STX1B: variants seen among roughly 807,000 people sequenced by gnomAD.
STX1B encodes the protein syntaxin-1B.
Under a neutral mutation model 39.4 loss-of-function variants are expected in STX1B, and 7 were observed. The observed-to-expected ratio is 0.18, with a 90% CI of 0.10 to 0.33. The LOEUF (loss-of-function observed/expected upper bound fraction) is 0.33, where lower values mean the gene tolerates loss of function less well. Among genes scored for constraint, STX1B ranks in the 10% least tolerant of loss-of-function variants. The pLI is 1.00. For missense variants in STX1B, 198 were observed against 383.2 expected (o/e 0.52, Z 4.04); for synonymous variants, 136 against 144.1 (o/e 0.94, Z 0.40).
chr16:30,997,786 G>A (rs566214801), intron 4 of STX1B, among the ~76,000 whole-genome samples: 29 of 152,348 alleles, frequency 1.9e-4, no homozygotes, highest in African/African-American at 6.7e-4. Context: ...TCCGAAGGCA[G>A]GCAGGAAGGG....
rs767717161 is a variant in STX1B at position 30,992,642 on chromosome 16, G to GGC, written c.*178_*179insGC. ...CCTGCTGCGATCTACGTGCGGGGAC[G>GGC]GGGGGGGGGTCCATGGCCCGGTGAG... On this transcript the variant is annotated 3_prime_UTR_variant, in exon 10 of 10. Coordinates refer to ENST00000215095, the MANE Select transcript of STX1B (RefSeq NM_052874.5). 1.4e-3 allele frequency: 19 copies of GGC among 13,696 alleles called. No individual in the cohort carries two copies. Among genetic ancestry groups the GGC allele is most frequent in the East Asian group, 0.062 (1 of 16 alleles). The allele number at this position is 13,696 out of a possible 1,614,324, so 0.8% of individuals were successfully genotyped here. A position where few individuals can be genotyped will look rare whatever the true frequency, so the allele number is the denominator to read the frequency against.
chr16:31,001,113 G>C lies in STX1B; in HGVS notation c.186C>G (p.Ala62=), dbSNP rs749799050. 1.9e-6 allele frequency: 3 copies of C among 1,614,058 alleles called. No homozygotes were observed. Among genetic ancestry groups the C allele is most frequent in the Non-Finnish European group, 2.5e-6 (3 of 1,180,020 alleles). ...QVKKQHSAIL[A]APNPDEKTKQ... ...ACTCACTCTCATCTGGGTTGGGTGC[G>C]GCCAGGATGGCGCTATGCTGTTTTT... Residue 62 remains alanine (A), a synonymous_variant, in exon 3 of 10, where the codon GCC becomes GCG. Coordinates refer to ENST00000215095, the MANE Select transcript of STX1B (RefSeq NM_052874.5). This position sits in a 1 kb window ranked among gnomAD's most constrained non-coding sequence, Gnocchi z 5.5.
chr16:30,993,000 GGGAGAGAAAA>G, intron 9 of STX1B, 99 bp from the exon 10 acceptor site: 1 of 1,329,504 alleles, frequency 7.5e-7, no homozygotes, highest in Non-Finnish European at 1.1e-6. Context: ...GGGAGAAGAG[GGGAGAGAAAA>G]CAGAAACAGG....
At chr16:31,010,146 C>A (rs950546719) in intron 1 of STX1B, among the ~76,000 whole-genome samples, 5 of 152,104 alleles carry the variant, frequency 3.3e-5, no homozygotes, top group African/African-American at 1.2e-4. Context: ...ACCTCTCCTG[C>A]CCCCTTGTGT....
intron 1 of STX1B, among the ~76,000 whole-genome samples, chr16:31,003,397 C>G (rs1286949919): frequency 6.6e-6 from 1 of 152,192 alleles, no homozygotes. Context: ...GAGGACCCAT[C>G]GGCCTACCAT....
Position 31,003,886 on chromosome 16 carries a change from C to T in STX1B, c.31-2283G>A, listed in dbSNP as rs549845568. Among the ~76,000 whole-genome samples the T allele has an allele frequency of 3.9e-5, 6 of 152,336 alleles. No homozygotes were observed. The East Asian group carries it at 9.6e-4, about 24-fold the overall frequency. On this transcript the variant is annotated intron_variant, in intron 1 of 9. Transcript: ENST00000215095. Reference sequence around the variant, plus strand: ...GAGAGAAAAGCTGCATAAACATCATCGTCCCCATTTCACAGATGAGGGAAC... The same window carrying T: ...GAGAGAAAAGCTGCATAAACATCATTGTCCCCATTTCACAGATGAGGGAAC...
At chr16:31,003,666 C>A (rs1044013574) in intron 1 of STX1B, among the ~76,000 whole-genome samples, 1 of 152,176 alleles carries the variant, frequency 6.6e-6, no homozygotes, top group African/African-American at 2.4e-5. Flanking sequence ...CTTGGAGCCA[C>A]CTCCCTTAGG....
intron 1 of STX1B, among the ~76,000 whole-genome samples, chr16:31,008,901 G>A (rs2056667403): frequency 6.6e-6 from 1 of 152,136 alleles, no homozygotes; most frequent in South Asian, 2.1e-4. Flanking sequence ...GAGATAACCA[G>A]TCTCATAGGA....
intron 1 of STX1B, among the ~76,000 whole-genome samples, chr16:31,005,607 C>T (rs1381494024): frequency 6.6e-6 from 1 of 151,762 alleles, no homozygotes; most frequent in African/African-American, 2.4e-5. Context: ...TGCACCCAGC[C>T]TGCATCTCTT....
At chr16:31,005,381 G>A (rs1264870396) in intron 1 of STX1B, among the ~76,000 whole-genome samples, 1 of 151,922 alleles carries the variant, frequency 6.6e-6, no homozygotes, top group Non-Finnish European at 1.5e-5. Flanking sequence ...GTTGCCTCAT[G>A]TGCAAATCGA....
At chr16:31,005,931 G>A (rs2056653065) in intron 1 of STX1B, among the ~76,000 whole-genome samples, 1 of 152,152 alleles carries the variant, frequency 6.6e-6, no homozygotes, top group African/African-American at 2.4e-5. Flanking sequence ...GCCACCACGG[G>A]CCTTGTGTGT....
At chr16:31,003,107 A>G (rs2056639414) in intron 1 of STX1B, among the ~76,000 whole-genome samples, 1 of 152,220 alleles carries the variant, frequency 6.6e-6, no homozygotes, top group Admixed American at 6.5e-5. Context: ...AAAAGCCAGC[A>G]CAGCCTGGGG....
Position 30,993,461 on chromosome 16 carries a change from C to T in STX1B, c.561G>A (p.Thr187=), listed in dbSNP as rs763651481. Residue 187 remains threonine, a synonymous_variant, in exon 8 of 10, where the codon ACG becomes ACA. Coordinates refer to ENST00000215095, the MANE Select transcript of STX1B (RefSeq NM_052874.5). ...TCTCAATCTCATTCAGCGCCTGCTT[C>T]GTCATCTGTGAGTCCATTTTGATCT... The part of the protein sequence containing the change: ...TDDIKMDSQM[T]KQALNEIETR... 13 of 1,613,932 alleles carry T rather than the reference C, an allele frequency of 8.1e-6. No individual in the cohort carries two copies. Among genetic ancestry groups the T allele is most frequent in the Admixed American group, 5.0e-5 (3 of 60,022 alleles).
At chr16:30,994,064 G>A (rs893411428) in intron 7 of STX1B, among the ~76,000 whole-genome samples, 3 of 151,476 alleles carry the variant, frequency 2.0e-5, no homozygotes, top group Non-Finnish European at 2.9e-5. Flanking sequence ...AGGCTGAAGC[G>A]GGCAGATCAC....
chr16:30,993,452 C>T lies in STX1B; in HGVS notation c.570G>A (p.Ala190=), dbSNP rs752557506. The T allele has an allele frequency of 7.4e-6, 12 of 1,613,826 alleles. No individual in the cohort carries two copies. The Admixed American group carries it at 1.3e-4, about 18-fold the overall frequency. ...TGTGCCTCGTCTCAATCTCATTCAG[C>T]GCCTGCTTCGTCATCTGTGAGTCCA... The part of the protein sequence containing the change: ...IKMDSQMTKQ[A]LNEIETRHNE... Residue 190 remains alanine (A), a synonymous_variant, in exon 8 of 10, where the codon GCG becomes GCA. Coordinates refer to ENST00000215095, the MANE Select transcript of STX1B (RefSeq NM_052874.5).
At chr16:30,994,241 G>A (rs778846053) in intron 7 of STX1B, among the ~76,000 whole-genome samples, 4 of 150,780 alleles carry the variant, frequency 2.7e-5, no homozygotes, top group South Asian at 2.1e-4. Context: ...GCAGTGAGCC[G>A]AGATTGCGCC....
At chr16:30,997,699 G>A in intron 4 of STX1B, 124 bp from the exon 5 acceptor site, 1 of 896,960 alleles carries the variant, frequency 1.1e-6, no homozygotes, top group Non-Finnish European at 1.7e-6. Context: ...CATCCCCAGG[G>A]CGAGTTGCGG....
In STX1B at chr16:30,989,943, A is replaced by C. The variant is rs958413285; in HGVS notation, c.*2878T>G. On this transcript the variant is annotated 3_prime_UTR_variant, in exon 10 of 10. Transcript: ENST00000215095. ...TTGCAGGCGCCTGGGCAGGTAGCAC[A>C]CATTTGTCCAAGAACATGCAAAAGA... is the stretch of plus-strand genomic sequence containing the variant. The C allele has an allele frequency of 6.6e-6, 1 of 152,334 alleles. No homozygotes were observed. The highest frequency in any genetic ancestry group is 2.4e-5 in the African/African-American group (1 of 41,440). The allele number at this position is 152,334 out of a possible 1,614,324, so 9.4% of individuals were successfully genotyped here.
Position 30,991,896 on chromosome 16 carries a change from A to C in STX1B, c.*925T>G, listed in dbSNP as rs905931145. On this transcript the variant is annotated 3_prime_UTR_variant, in exon 10 of 10. Coordinates refer to ENST00000215095, the MANE Select transcript of STX1B (RefSeq NM_052874.5). Reference sequence around the variant, plus strand: ...AAAAACAAAAAACAAAAAACAAAAAAAAATTAAAAAGCACACCATGTAGAG... The same window carrying C: ...AAAAACAAAAAACAAAAAACAAAAACAAATTAAAAAGCACACCATGTAGAG... The C allele has an allele frequency of 3.9e-5, 6 of 152,194 alleles. No individual in the cohort carries two copies. The highest frequency in any genetic ancestry group is 1.4e-4 in the African/African-American group (6 of 41,406). 9.4% of individuals were successfully genotyped at this position (152,194 alleles called of 1,614,324 possible). A position where few individuals can be genotyped will look rare whatever the true frequency, so the allele number is the denominator to read the frequency against.
Sources: gnomAD v4.1 joint callset for allele counts (sites outside exome capture counted in the v4.1 genomes callset) on GRCh38, gnomAD v4.1.1 for gene constraint, Gnocchi (gnomAD v3.1) non-coding constraint, MANE v1.5 for transcripts, NCBI Gene and HGNC (gene_info 2026-07-23, HGNC 2026-07-21) for gene names.